CTNNA3: variants seen among roughly 807,000 people sequenced by gnomAD.
The protein encoded by CTNNA3 is catenin alpha-3.
In CTNNA3, 76 loss-of-function variants were observed where a neutral mutation model predicts 95.7. The ratio of observed to expected loss-of-function variants is 0.79; its 90% CI spans 0.66 to 0.96. The LOEUF is 0.96. CTNNA3 is among the 40% of genes least tolerant of loss of function. CTNNA3 has a pLI of 0.00. For synonymous variants in CTNNA3, 431 were observed against 374.4 expected, an observed-to-expected ratio of 1.15 and a Z score of -1.74; for missense variants, 1,191 against 1,089.8, an observed-to-expected ratio of 1.09 and a Z score of -1.31.
intron 7 of CTNNA3, among the ~76,000 whole-genome samples, chr10:67,125,118 T>C (rs1400529714): frequency 6.6e-6 from 1 of 152,206 alleles, no homozygotes; most frequent in Non-Finnish European, 1.5e-5. Context: ...TTTCACAAAC[T>C]AGAATAGAAA....
At chr10:66,809,266 T>C (rs980306983) in intron 7 of CTNNA3, among the ~76,000 whole-genome samples, 4 of 152,186 alleles carry the variant, frequency 2.6e-5, no homozygotes, top group African/African-American at 9.6e-5. Context: ...AATGACATCA[T>C]TATGATATTA....
chr10:67,712,279 T>C (rs937872699), intron 1 of CTNNA3, among the ~76,000 whole-genome samples: 3 of 152,156 alleles, frequency 2.0e-5, no homozygotes, highest in African/African-American at 4.8e-5. Context: ...GACAATATGA[T>C]AGAAAAGAAA....
At chr10:67,122,600 C>T (rs1244505476) in intron 7 of CTNNA3, among the ~76,000 whole-genome samples, 1 of 152,022 alleles carries the variant, frequency 6.6e-6, no homozygotes, top group East Asian at 1.9e-4. Context: ...ATAACTAATA[C>T]AGTAACAAAT....
At chr10:66,103,817 C>A (rs934480030) in intron 13 of CTNNA3, among the ~76,000 whole-genome samples, 1 of 152,100 alleles carries the variant, frequency 6.6e-6, no homozygotes, top group African/African-American at 2.4e-5. Flanking sequence ...TGATCACAAA[C>A]CCTTCTGAAT....
chr10:66,457,530 T>A (rs571836525), intron 11 of CTNNA3, among the ~76,000 whole-genome samples: 1 of 152,032 alleles, frequency 6.6e-6, no homozygotes, highest in South Asian at 2.1e-4. Flanking sequence ...ATAAAATTTA[T>A]GTTCACAGAA....
At chr10:65,974,917 G>A (rs79605283) in intron 16 of CTNNA3, among the ~76,000 whole-genome samples, 3,967 of 151,882 alleles carry the variant, frequency 0.026, 160 homozygotes, top group African/African-American at 0.091. Flanking sequence ...ATTTTTTAAA[G>A]CTTTTATTCT....
intron 7 of CTNNA3, among the ~76,000 whole-genome samples, chr10:67,092,163 G>C (rs1482064168): frequency 6.6e-6 from 1 of 151,852 alleles, no homozygotes; most frequent in Non-Finnish European, 1.5e-5. Flanking sequence ...GATCAAAAAT[G>C]ATATTTACAA....
intron 5 of CTNNA3, among the ~76,000 whole-genome samples, chr10:67,301,998 A>AGAAT: frequency 1.3e-5 from 1 of 77,054 alleles, no homozygotes; most frequent in South Asian, 5.4e-4. Context: ...AAAGAACGAA[A>AGAAT]GAACGAAAGA....
intron 10 of CTNNA3, among the ~76,000 whole-genome samples, chr10:66,526,040 A>G (rs1032961601): frequency 3.3e-5 from 5 of 152,030 alleles, no homozygotes; most frequent in African/African-American, 1.2e-4. Context: ...TGTTTTGCTC[A>G]CCCATTCATC....
At chr10:66,392,347 T>C (rs1425009891) in intron 11 of CTNNA3, among the ~76,000 whole-genome samples, 1 of 151,964 alleles carries the variant, frequency 6.6e-6, no homozygotes, top group Admixed American at 6.6e-5. Flanking sequence ...GAAGAATTGC[T>C]TGAACCTGGG....
At chr10:66,821,114 T>C (rs574537276) in intron 7 of CTNNA3, among the ~76,000 whole-genome samples, 1 of 152,118 alleles carries the variant, frequency 6.6e-6, no homozygotes, top group Non-Finnish European at 1.5e-5. Context: ...CTCATATCCA[T>C]AGACAACAAT....
chr10:66,628,766 C>G (rs913457756), intron 9 of CTNNA3, among the ~76,000 whole-genome samples: 1 of 152,038 alleles, frequency 6.6e-6, no homozygotes, highest in Non-Finnish European at 1.5e-5. Flanking sequence ...AGATGGAACA[C>G]TAGAAGTTCT....
chr10:66,067,645 C>T (rs554945750), intron 15 of CTNNA3, among the ~76,000 whole-genome samples: 2 of 152,188 alleles, frequency 1.3e-5, no homozygotes, highest in African/African-American at 4.8e-5. Context: ...TGGCCAGGTG[C>T]GGTGACTCAT....
At chr10:66,248,370 TAGC>T (rs770313508) in intron 13 of CTNNA3, among the ~76,000 whole-genome samples, 7 of 133,206 alleles carry the variant, frequency 5.3e-5, no homozygotes, top group Non-Finnish European at 9.9e-5. Context: ...AGAAAAAAAA[TAGC>T]AGGAGTAAGT....
rs1293862490 is a variant in CTNNA3, at chr10:66,185,407, T to C, written c.1885-82158A>G. ...TCAAAGAGCATTATTTGTACCTCCA[T>C]AAGTAACAAAATATTGAAATGAGCT... On this transcript the variant is annotated intron_variant, in intron 13 of 17. Coordinates refer to ENST00000433211, the MANE Select transcript of CTNNA3 (RefSeq NM_013266.4). Among the ~76,000 whole-genome samples the C allele has an allele frequency of 2.0e-5, 3 of 152,012 alleles. No homozygotes were observed. In the South Asian group the frequency reaches 6.2e-4, roughly 31 times the overall value.
chr10:66,907,028 A>C (rs900735780), intron 7 of CTNNA3, among the ~76,000 whole-genome samples: 4 of 152,198 alleles, frequency 2.6e-5, no homozygotes, highest in African/African-American at 9.6e-5. Context: ...TAGATACAAA[A>C]AAATCCTACT....
chr10:67,267,040 G>T (rs1427408042), intron 5 of CTNNA3, among the ~76,000 whole-genome samples: 1 of 152,082 alleles, frequency 6.6e-6, no homozygotes, highest in Non-Finnish European at 1.5e-5. Context: ...AGATAATCTG[G>T]TCTATCCTGA....
At chr10:66,555,292 A>C (rs1842355472) in intron 10 of CTNNA3, among the ~76,000 whole-genome samples, 1 of 152,148 alleles carries the variant, frequency 6.6e-6, no homozygotes, top group Admixed American at 6.5e-5. Context: ...TGTTGCCAAA[A>C]GTTCTGTTCA....
At chr10:67,560,902 T>A (rs908813182) in intron 3 of CTNNA3, among the ~76,000 whole-genome samples, 2 of 152,140 alleles carry the variant, frequency 1.3e-5, no homozygotes, top group Admixed American at 1.3e-4. Context: ...GGCCATTGCA[T>A]AATGGTAAAG....
Sources: allele counts gnomAD v4.1 joint callset (sites outside exome capture counted in the v4.1 genomes callset), GRCh38; gene constraint gnomAD v4.1.1; transcripts MANE v1.5; gene names NCBI Gene and HGNC (gene_info 2026-07-23, HGNC 2026-07-21).